Variants in STAT4 observed in about 807,000 individuals in gnomAD.
The protein encoded by STAT4 is signal transducer and activator of transcription 4.
A neutral mutation model predicts 110.5 loss-of-function variants in STAT4; 42 were observed. The observed-to-expected ratio is 0.38, with a 90% CI of 0.30 to 0.49. STAT4 has a LOEUF of 0.49. Ranked by LOEUF, STAT4 falls within the 20% of genes least tolerant of loss-of-function variation. The probability of loss-of-function intolerance (pLI) is 0.95; values close to 1 mark genes in which losing one functional copy is unlikely to be tolerated. For missense variants in STAT4, 632 were observed against 887.9 expected (o/e 0.71, Z 3.66); for synonymous variants, 284 against 302.2 (o/e 0.94, Z 0.63).
intron 14 of STAT4, among the ~76,000 whole-genome samples, chr2:191,054,109 C>T (rs937026540): frequency 7.9e-6 from 1 of 125,996 alleles, no homozygotes; most frequent in African/African-American, 3.1e-5. Context: ...GCCTGGGCAA[C>T]AGAGTGAGAC....
rs144302197 is a variant in STAT4 at position 191,060,363 on chromosome 2, G to A, written c.1034+1366C>T. 2.1e-3 allele frequency among the ~76,000 whole-genome samples: 317 copies of A among 152,228 alleles called. No homozygotes were observed. The highest frequency in any genetic ancestry group is 7.0e-3 in the African/African-American group (289 of 41,542). On this transcript the variant is annotated intron_variant, in intron 10 of 23. Coordinates refer to ENST00000392320, the MANE Select transcript of STAT4 (RefSeq NM_003151.4). This position sits in a 1 kb window ranked among gnomAD's most constrained non-coding sequence, Gnocchi z 4.5. ...CTCCTCCGAGTTATACAGAGATGTCGGAATGAGGAAGGAACAATTTTTGAG... is the reference window on the plus strand; with the variant it reads ...CTCCTCCGAGTTATACAGAGATGTCAGAATGAGGAAGGAACAATTTTTGAG...
In STAT4 at chr2:191,146,511, C is replaced by A; in HGVS notation, c.273+102G>T. ...AGTGGTAAGACAACTCAATTTTCCCCTAAATTTCATTTGAAAATAATATAA... is the reference window on the plus strand; with the variant it reads ...AGTGGTAAGACAACTCAATTTTCCCATAAATTTCATTTGAAAATAATATAA... On this transcript the variant is annotated intron_variant, in intron 3 of 23. Coordinates refer to ENST00000392320, the MANE Select transcript of STAT4 (RefSeq NM_003151.4). This position sits in a 1 kb window ranked among gnomAD's most constrained non-coding sequence, Gnocchi z 4.5. 8.8e-7 allele frequency: 1 copy of A among 1,138,576 alleles called. No individual in the cohort carries two copies. Among genetic ancestry groups the A allele is most frequent in the Non-Finnish European group, 1.1e-6 (1 of 887,040 alleles). 70.5% of individuals were successfully genotyped at this position (1,138,576 alleles called of 1,614,324 possible).
At chr2:191,087,740 G>A (rs1185173330) in intron 3 of STAT4, among the ~76,000 whole-genome samples, 1 of 151,616 alleles carries the variant, frequency 6.6e-6, no homozygotes, top group Non-Finnish European at 1.5e-5. Flanking sequence ...TTATGTCTAC[G>A]GTGAAAAAAA....
chr2:191,038,992 C>T (rs1416038082), intron 16 of STAT4, among the ~76,000 whole-genome samples: 1 of 152,120 alleles, frequency 6.6e-6, no homozygotes, highest in Non-Finnish European at 1.5e-5. Flanking sequence ...GTTACTTTTG[C>T]TAGCAGAATT....
At chr2:191,081,083 C>T (rs1477743491) in intron 3 of STAT4, among the ~76,000 whole-genome samples, 1 of 152,134 alleles carries the variant, frequency 6.6e-6, no homozygotes, top group Non-Finnish European at 1.5e-5. Flanking sequence ...TGAGTGAGAA[C>T]ATGCTGTGTT....
At position 191,096,875 on chromosome 2, in the gene STAT4, C is replaced by T. The variant is rs575610048; in HGVS notation, c.274-20550G>A. Among the ~76,000 whole-genome samples the T allele has an allele frequency of 7.2e-5, 11 of 152,246 alleles. No homozygotes were observed. In the South Asian group the frequency reaches 1.0e-3, roughly 14 times the overall value. ...TGATTGTATATTTAGAAAACCCCAT[C>T]GTCTCAGCCCAAAACCTCCTTAAGC... is the stretch of plus-strand genomic sequence containing the variant. On this transcript the variant is annotated intron_variant, in intron 3 of 23. Transcript: ENST00000392320.
chr2:191,136,489 C>T (rs1000042334), intron 3 of STAT4, among the ~76,000 whole-genome samples: 5 of 152,196 alleles, frequency 3.3e-5, no homozygotes, highest in African/African-American at 9.7e-5. Flanking sequence ...CTGTGGCTTA[C>T]GCTTGTAATC....
At chr2:191,072,504 A>G (rs961615830) in intron 5 of STAT4, among the ~76,000 whole-genome samples, 4 of 152,348 alleles carry the variant, frequency 2.6e-5, no homozygotes, top group Admixed American at 2.0e-4. Context: ...AATATATGGG[A>G]CTGTTGATCT....
At chr2:191,100,952 C>T (rs1298054652) in intron 3 of STAT4, among the ~76,000 whole-genome samples, 1 of 151,998 alleles carries the variant, frequency 6.6e-6, no homozygotes, top group African/African-American at 2.4e-5. Context: ...GGTCCGAAGT[C>T]AAGGGTTTTA....
In STAT4 at chr2:191,066,436, C is replaced by T; in HGVS notation, c.624G>A (p.Lys208=). 6.2e-7 allele frequency: 1 copy of T among 1,613,186 alleles called. No homozygotes were observed. Among genetic ancestry groups the T allele is most frequent in the Non-Finnish European group, 8.5e-7 (1 of 1,179,424 alleles). ...ATTAAAATTCTTCACTAACCTTTCT[C>T]TTGAAATCGAGGCTGTTAAGCATTT... ...LQEMLNSLDF[K]RKEALSKMTQ... is the part of the protein sequence containing the mutation. The change falls in exon 7 of 24, where the codon AAG becomes AAA. Residue 208 remains lysine (K), a synonymous_variant. Transcript: ENST00000392320. This position sits in a 1 kb window ranked among gnomAD's most constrained non-coding sequence, Gnocchi z 4.3.
In STAT4 at chr2:191,144,274, T is replaced by C. The variant is rs1699406240; in HGVS notation, c.273+2339A>G. Among the ~76,000 whole-genome samples the C allele has an allele frequency of 6.6e-6, 1 of 152,060 alleles. No homozygotes were observed. Among genetic ancestry groups the C allele is most frequent in the African/African-American group, 2.4e-5 (1 of 41,406 alleles). On this transcript the variant is annotated intron_variant, in intron 3 of 23. Coordinates refer to ENST00000392320, the MANE Select transcript of STAT4 (RefSeq NM_003151.4). This position sits in a 1 kb window ranked among gnomAD's most constrained non-coding sequence, Gnocchi z 4.7. Reference sequence around the variant, plus strand: ...TAGTTGTTGCTGGAGGGCTGGAGGATGAGAACACAGACTAAAGCATGTGGT... The same window carrying C: ...TAGTTGTTGCTGGAGGGCTGGAGGACGAGAACACAGACTAAAGCATGTGGT...
chr2:191,089,240 G>T (rs950970150), intron 3 of STAT4, among the ~76,000 whole-genome samples: 2 of 152,018 alleles, frequency 1.3e-5, no homozygotes, highest in Admixed American at 1.3e-4. Context: ...TTAAAAATGG[G>T]CCAAATACCA....
rs192557711 is a variant in STAT4 at position 191,030,927 on chromosome 2, G to A, written c.2220+45C>T. On this transcript the variant is annotated intron_variant, in intron 23 of 23. Transcript: ENST00000392320. The surrounding 1 kb of genome is among the most constrained non-coding windows in gnomAD (Gnocchi z 4.4). ...TTGATTCACACACCACCTTTGCATC[G>A]TTGGAAACACCTTTGACCAGCAATG... 511 of 1,572,202 alleles carry A rather than the reference G, an allele frequency of 3.3e-4. No individual in the cohort carries two copies. Among genetic ancestry groups the A allele is most frequent in the Admixed American group, 1.9e-3 (116 of 59,804 alleles).
Position 191,099,945 on chromosome 2 carries a change from T to C in STAT4, c.274-23620A>G, listed in dbSNP as rs979011936. Among the ~76,000 whole-genome samples the C allele has an allele frequency of 6.6e-6, 1 of 152,064 alleles. No individual in the cohort carries two copies. The highest frequency in any genetic ancestry group is 1.5e-5 in the Non-Finnish European group (1 of 68,002). Reference sequence around the variant, plus strand: ...CTTATTTCAGTGGAATTTCAGGGGATTTTTTTTCTTTCTTCTTAGACTTTT... The same window carrying C: ...CTTATTTCAGTGGAATTTCAGGGGACTTTTTTTCTTTCTTCTTAGACTTTT... On this transcript the variant is annotated intron_variant, in intron 3 of 23. Transcript: ENST00000392320. This position sits in a 1 kb window ranked among gnomAD's most constrained non-coding sequence, Gnocchi z 4.1.
chr2:191,084,620 A>C (rs893369668), intron 3 of STAT4, among the ~76,000 whole-genome samples: 4 of 152,160 alleles, frequency 2.6e-5, no homozygotes, highest in African/African-American at 4.8e-5. Flanking sequence ...TTTTAAGTTA[A>C]AATAAGGAGA....
chr2:191,052,818 G>T (rs1021339806), intron 14 of STAT4, among the ~76,000 whole-genome samples: 1 of 152,180 alleles, frequency 6.6e-6, no homozygotes, highest in African/African-American at 2.4e-5. Flanking sequence ...AGGAAGTTTA[G>T]AAAACCTTTA....
chr2:191,150,957 C>A lies in STAT4; in HGVS notation c.-12G>T. 1 of 985,746 alleles carries A rather than the reference C, an allele frequency of 1.0e-6. No individual in the cohort carries two copies. The highest frequency in any genetic ancestry group is 1.2e-6 in the Non-Finnish European group (1 of 830,100). 61.1% of individuals were successfully genotyped at this position (985,746 alleles called of 1,614,324 possible). On this transcript the variant is annotated 5_prime_UTR_variant, in exon 1 of 24. Transcript: ENST00000392320. This position sits in a 1 kb window ranked among gnomAD's most constrained non-coding sequence, Gnocchi z 6.4. ...GGTCTGGCCACTTACCTAGCGCTCT[C>A]TCAGCACAGGTCCCAGGCAGTGCTC...
At chr2:191,038,873 G>A (rs968172126) in intron 16 of STAT4, among the ~76,000 whole-genome samples, 4 of 152,194 alleles carry the variant, frequency 2.6e-5, no homozygotes, top group Non-Finnish European at 4.4e-5. Context: ...CAGCTGGGGA[G>A]GTAAGAAGTT....
rs186488208 is a variant in STAT4 at position 191,042,639 on chromosome 2, A to G, written c.1252-1491T>C. Reference sequence around the variant, plus strand: ...TCTAAAGATACCTGCTGAAGTATCTATATTATACTGTACTATCTAGAATTT... The same window carrying G: ...TCTAAAGATACCTGCTGAAGTATCTGTATTATACTGTACTATCTAGAATTT... On this transcript the variant is annotated intron_variant, in intron 14 of 23. Coordinates refer to ENST00000392320, the MANE Select transcript of STAT4 (RefSeq NM_003151.4). The surrounding 1 kb of genome is among the most constrained non-coding windows in gnomAD (Gnocchi z 4.2). Among the ~76,000 whole-genome samples, 80 of 152,350 alleles carry G rather than the reference A, an allele frequency of 5.3e-4. No homozygotes were observed. The highest frequency in any genetic ancestry group is 2.2e-3 in the Admixed American group (34 of 15,300).
Sources: gnomAD v4.1 joint callset for allele counts (sites outside exome capture counted in the v4.1 genomes callset) on GRCh38, gnomAD v4.1.1 for gene constraint, Gnocchi (gnomAD v3.1) non-coding constraint, MANE v1.5 for transcripts, NCBI Gene and HGNC (gene_info 2026-07-23, HGNC 2026-07-21) for gene names.